The following SMOX variants were observed in gnomAD, a reference collection of about 807,000 sequenced individuals.
SMOX encodes the protein flavin containing amine oxidase.
In SMOX, 22 loss-of-function variants were observed where a neutral mutation model predicts 51.0. The observed-to-expected ratio is 0.43, with a 90% confidence interval of 0.31 to 0.62. The LOEUF (loss-of-function observed/expected upper bound fraction) is 0.62. Ranked by LOEUF, SMOX falls within the 20% of genes least tolerant of loss-of-function variation. SMOX has a pLI of 0.10. For synonymous variants in SMOX, 282 were observed against 307.8 expected (o/e 0.92, Z 0.88); for missense variants, 566 against 777.7 (o/e 0.73, Z 3.24).
At chr20:4,186,696 T>C (rs755285054) in intron 6 of SMOX, 1 of 778,796 alleles carries the variant, frequency 1.3e-6, no homozygotes, top group Non-Finnish European at 2.4e-6. Flanking sequence ...TTCCATCACA[T>C]ATGACGCTGT....
At chr20:4,156,068 G>A (rs1490655110) in intron 1 of SMOX, among the ~76,000 whole-genome samples, 1 of 152,132 alleles carries the variant, frequency 6.6e-6, no homozygotes, top group Non-Finnish European at 1.5e-5. Flanking sequence ...AATCTCAAGC[G>A]TTCAGGGGAC....
Position 4,183,664 on chromosome 20 carries a change from G to T in SMOX, c.1530+10G>T. The T allele has an allele frequency of 6.4e-7, 1 of 1,555,676 alleles. No individual in the cohort carries two copies. The highest frequency in any genetic ancestry group is 2.2e-5 in the East Asian group (1 of 44,476). ...GAGCTCAAAGACAGCGGTAAGCGGG[G>T]CGTTTGGGGTGAGGAGGGGAGTTGT... On this transcript the variant is annotated intron_variant, in intron 6 of 6. Coordinates refer to ENST00000305958, the MANE Select transcript of SMOX (RefSeq NM_175839.3). This position sits in a 1 kb window ranked among gnomAD's most constrained non-coding sequence, Gnocchi z 4.3.
chr20:4,175,358 G>A, intron 2 of SMOX, 95 bp downstream of exon 2: 2 of 1,387,576 alleles, frequency 1.4e-6, no homozygotes, highest in Non-Finnish European at 2.0e-6. Context: ...TTTAACTTCT[G>A]GGATAAATGT....
At chr20:4,179,658 G>T (rs373632163) in intron 3 of SMOX, among the ~76,000 whole-genome samples, 5 of 152,324 alleles carry the variant, frequency 3.3e-5, no homozygotes, top group Admixed American at 1.3e-4. Context: ...AGTTTCTGGA[G>T]TAAGACTGCC....
At chr20:4,162,047 C>T (rs1028577476) in intron 1 of SMOX, among the ~76,000 whole-genome samples, 8 of 152,348 alleles carry the variant, frequency 5.3e-5, no homozygotes, top group African/African-American at 1.7e-4. Flanking sequence ...CCGCCCCCTT[C>T]CTGGTGCCTT....
At chr20:4,161,141 C>T (rs1986293530) in intron 1 of SMOX, among the ~76,000 whole-genome samples, 1 of 152,202 alleles carries the variant, frequency 6.6e-6, no homozygotes, top group Non-Finnish European at 1.5e-5. Context: ...AGGGGAGAAG[C>T]CCCACCGGGA....
Position 4,181,227 on chromosome 20 carries a change from C to T in SMOX, c.436-576C>T, listed in dbSNP as rs1290839480. Among the ~76,000 whole-genome samples the T allele has an allele frequency of 6.6e-6, 1 of 152,210 alleles. No individual in the cohort carries two copies. Among genetic ancestry groups the T allele is most frequent in the Non-Finnish European group, 1.5e-5 (1 of 68,040 alleles). On this transcript the variant is annotated intron_variant, in intron 3 of 6. Transcript: ENST00000305958. The surrounding 1 kb of genome is among the most constrained non-coding windows in gnomAD (Gnocchi z 5.6). The stretch of plus-strand genomic sequence containing the variant: ...TGTTCCTGTCTTCCCCACTGCGTCT[C>T]AGCTTCCTTACTCGTGGCTGAGGCC...
At position 4,183,841 on chromosome 20, in the gene SMOX, T is replaced by A. The variant is rs1299942234; in HGVS notation, c.1530+187T>A. 6.6e-6 allele frequency among the ~76,000 whole-genome samples: 1 copy of A among 151,946 alleles called. No homozygotes were observed. The highest frequency in any genetic ancestry group is 1.5e-5 in the Non-Finnish European group (1 of 67,974). ...TGCACTTAATATCTGGAAGAAAAAA[T>A]GGAATCAAATTGAAACTTAAAATGT... On this transcript the variant is annotated intron_variant, in intron 6 of 6. Coordinates refer to ENST00000305958, the MANE Select transcript of SMOX (RefSeq NM_175839.3). This position sits in a 1 kb window ranked among gnomAD's most constrained non-coding sequence, Gnocchi z 4.3.
chr20:4,151,414 A>C (rs1017328837), intron 1 of SMOX, among the ~76,000 whole-genome samples: 1 of 152,182 alleles, frequency 6.6e-6, no homozygotes, highest in Non-Finnish European at 1.5e-5. Flanking sequence ...TCTCTATCAC[A>C]CTTGATTAAA....
At position 4,175,249 on chromosome 20, in the gene SMOX, A is replaced by G. The variant is rs1195778914; in HGVS notation, c.194A>G (p.Gln65Arg). ...TCCAGCCACATCGGAGGCCGTGTGCAGAGTGTGAAACTTGGTAAGTGCCAC... is the reference window on the plus strand; with the variant it reads ...TCCAGCCACATCGGAGGCCGTGTGCGGAGTGTGAAACTTGGTAAGTGCCAC... Reference protein sequence around the residue: ...EASSHIGGRVQSVKLGHATFE... With the variant: ...EASSHIGGRVRSVKLGHATFE... Residue 65 changes from glutamine to arginine, a missense_variant, in exon 2 of 7, where the codon CAG becomes CGG. Gln to Arg is a conservative substitution (Grantham distance 43). This residue lies in a region of SMOX where 217 missense variants were observed against 278.4 expected (regional missense o/e 0.78). Coordinates refer to ENST00000305958, the MANE Select transcript of SMOX (RefSeq NM_175839.3). 1.9e-6 allele frequency: 3 copies of G among 1,614,142 alleles called. No homozygotes were observed. In the Admixed American group the frequency reaches 5.0e-5, roughly 27 times the overall value.
intron 1 of SMOX, among the ~76,000 whole-genome samples, chr20:4,150,530 G>A (rs1024593331): frequency 6.6e-6 from 1 of 152,086 alleles, no homozygotes; most frequent in African/African-American, 2.4e-5. Flanking sequence ...AGGGCCCCAG[G>A]GCTTTGTCCG....
chr20:4,165,208 A>T (rs569379455), intron 1 of SMOX, among the ~76,000 whole-genome samples: 1 of 151,938 alleles, frequency 6.6e-6, no homozygotes, highest in East Asian at 1.9e-4. Flanking sequence ...GGCACGTGCC[A>T]CCACACCTGG....
At position 4,177,243 on chromosome 20, in the gene SMOX, C is replaced by A; in HGVS notation, c.209-108C>A. On this transcript the variant is annotated intron_variant, in intron 2 of 6. Coordinates refer to ENST00000305958, the MANE Select transcript of SMOX (RefSeq NM_175839.3). The surrounding 1 kb of genome is among the most constrained non-coding windows in gnomAD (Gnocchi z 4.3). ...CAGTGGAAGTTCAAGCTCTTTCCTG[C>A]CCTGTTGTAGGGTGGAAAGACCCTC... The A allele has an allele frequency of 1.0e-6, 1 of 965,924 alleles. No individual in the cohort carries two copies. The highest frequency in any genetic ancestry group is 1.5e-6 in the Non-Finnish European group (1 of 651,960). 59.8% of individuals were successfully genotyped at this position (965,924 alleles called of 1,614,324 possible).
In SMOX at chr20:4,177,390, G is replaced by T; in HGVS notation, c.248G>T (p.Gly83Val). Residue 83 changes from glycine to valine, a missense_variant, in exon 3 of 7, where the codon GGC becomes GTC. By Grantham distance (109) the Gly-to-Val change is moderately radical. Around this residue, in one of 3 missense-constraint regions of SMOX, gnomAD observed 217 missense variants for 278.4 expected, o/e 0.78. Transcript: ENST00000305958. This position sits in a 1 kb window ranked among gnomAD's most constrained non-coding sequence, Gnocchi z 4.3. ...GAGCTGGGAGCCACCTGGATCCATG[G>T]CTCCCATGGGAACCCTATCTATCAT... ...TFELGATWIHGSHGNPIYHLA... is the reference protein window; with the variant it reads ...TFELGATWIHVSHGNPIYHLA... 6.4e-7 allele frequency: 1 copy of T among 1,554,482 alleles called. No individual in the cohort carries two copies. The highest frequency in any genetic ancestry group is 8.7e-7 in the Non-Finnish European group (1 of 1,148,358).
rs1986762042 is a variant in SMOX, at chr20:4,170,159, G to GT, written c.-26-4870dup. ...GTGAGGCTCACATAGAGGAGGCGGG[G>GT]TGGGGGGGTGCTTCTGGCGCAGTTG... On this transcript the variant is annotated intron_variant, in intron 1 of 6. Coordinates refer to ENST00000305958, the MANE Select transcript of SMOX (RefSeq NM_175839.3). This position sits in a 1 kb window ranked among gnomAD's most constrained non-coding sequence, Gnocchi z 4.6. 6.6e-6 allele frequency among the ~76,000 whole-genome samples: 1 copy of GT among 151,634 alleles called. No individual in the cohort carries two copies. The highest frequency in any genetic ancestry group is 2.4e-5 in the African/African-American group (1 of 41,220).
At position 4,172,079 on chromosome 20, in the gene SMOX, C is replaced by A. The variant is rs1279070948; in HGVS notation, c.-26-2951C>A. On this transcript the variant is annotated intron_variant, in intron 1 of 6. Coordinates refer to ENST00000305958, the MANE Select transcript of SMOX (RefSeq NM_175839.3). This position sits in a 1 kb window ranked among gnomAD's most constrained non-coding sequence, Gnocchi z 7.7. The stretch of plus-strand genomic sequence containing the variant: ...CCAGGGAGCCTGGGGTGAGGGGGAC[C>A]CCCAGTTTAATACCTGCTACACCCT... Among the ~76,000 whole-genome samples, 2 of 152,146 alleles carry A rather than the reference C, an allele frequency of 1.3e-5. No homozygotes were observed. Among genetic ancestry groups the A allele is most frequent in the South Asian group, 4.1e-4 (2 of 4,826 alleles).
At chr20:4,162,192 G>A (rs78839561) in intron 1 of SMOX, among the ~76,000 whole-genome samples, 41,141 of 152,192 alleles carry the variant, frequency 0.27, 7,330 homozygotes, top group Non-Finnish European at 0.39. Context: ...GGCCCTGAGC[G>A]GAGGCGGGAG....
Position 4,182,380 on chromosome 20 carries a change from CGGGGGGGCAGGT to C in SMOX, c.905_916del (p.Gly302_Trp305del). On this transcript the variant is annotated inframe_deletion, in exon 5 of 7. Transcript: ENST00000305958. The surrounding 1 kb of genome is among the most constrained non-coding windows in gnomAD (Gnocchi z 8.4). ...GGGTGGCCAGGGTGGAGAGGAGCCC[CGGGGGGGCAGGT>C]GGGATGAGGATGAGCAGTGGTCGGT... 2 of 1,595,992 alleles carry C rather than the reference CGGGGGGGCAGGT, an allele frequency of 1.3e-6. No individual in the cohort carries two copies. The highest frequency in any genetic ancestry group is 1.7e-6 in the Non-Finnish European group (2 of 1,169,832).
Position 4,182,040 on chromosome 20 carries a change from C to T in SMOX, c.610-49C>T. On this transcript the variant is annotated intron_variant, in intron 4 of 6. Coordinates refer to ENST00000305958, the MANE Select transcript of SMOX (RefSeq NM_175839.3). This position sits in a 1 kb window ranked among gnomAD's most constrained non-coding sequence, Gnocchi z 8.4. ...TGAGGAGGGCTACGCTGCTCCTACC[C>T]CTGCCCAACCCCGGCGGTCACCTGG... 5.7e-6 allele frequency: 9 copies of T among 1,590,580 alleles called. No homozygotes were observed. The highest frequency in any genetic ancestry group is 7.7e-6 in the Non-Finnish European group (9 of 1,166,592).
Sources: allele counts gnomAD v4.1 joint callset (sites outside exome capture counted in the v4.1 genomes callset), GRCh38; gene constraint gnomAD v4.1.1; regional missense constraint gnomAD v4.1.1; non-coding constraint Gnocchi (gnomAD v3.1); transcripts MANE v1.5; gene names NCBI Gene and HGNC (gene_info 2026-07-23, HGNC 2026-07-21).